H2AZ2: variants seen among roughly 807,000 people sequenced by gnomAD.
H2AZ2 encodes the protein H2A.Z variant histone 2.
Under a neutral mutation model 15.5 loss-of-function variants are expected in H2AZ2, and 5 were observed. The ratio of observed to expected loss-of-function variants is 0.32; its 90% CI spans 0.17 to 0.68. H2AZ2 has a LOEUF of 0.68. H2AZ2 is among the 30% of genes least tolerant of loss of function. H2AZ2 has a pLI of 0.72. For synonymous variants in H2AZ2, 44 were observed against 57.4 expected (o/e 0.77, Z 1.05); for missense variants, 42 against 162.5 (o/e 0.26, Z 4.03).
In H2AZ2 at chr7:44,835,523, A is replaced by ACATACCACCC; in HGVS notation, c.321_325+5dup. 6.2e-7 allele frequency: 1 copy of ACATACCACCC among 1,613,346 alleles called. No individual in the cohort carries two copies. Among genetic ancestry groups the ACATACCACCC allele is most frequent in the Non-Finnish European group, 8.5e-7 (1 of 1,179,538 alleles). ...TAAGAATCAAGGCTTAAGTAGTAAT[A>ACATACCACCC]CATACCACCCCCAGCTATGGTAGCC... On this transcript the variant is annotated splice_donor_region_variant and intron_variant, in intron 4 of 4. Coordinates refer to ENST00000308153, the MANE Select transcript of H2AZ2 (RefSeq NM_012412.5).
intron 3 of H2AZ2, 48 bp from the exon 4 acceptor site, chr7:44,835,706 C>A: frequency 6.7e-7 from 1 of 1,500,100 alleles, no homozygotes; most frequent in South Asian, 1.3e-5. Context: ...CCTAGGATCC[C>A]AAATGAAGGA....
chr7:44,836,119 C>T (rs759284118), intron 3 of H2AZ2, among the ~76,000 whole-genome samples: 5 of 151,978 alleles, frequency 3.3e-5, no homozygotes, highest in Non-Finnish European at 4.4e-5. Flanking sequence ...CCACCAAACC[C>T]GGCTTTTTTG....
downstream of H2AZ2, chr7:44,828,350 C>T (rs1266406730): frequency 2.0e-5 from 3 of 152,122 alleles, no homozygotes; most frequent in Non-Finnish European, 4.4e-5. Context: ...TCTCACTGAA[C>T]CTCTGGTAAT....
At chr7:44,830,163 T>C, downstream of H2AZ2, 1 of 1,613,564 alleles carries the variant, frequency 6.2e-7, no homozygotes, top group Non-Finnish European at 8.5e-7. Context: ...CCTTCTCTTC[T>C]CTAACAAGAA....
chr7:44,847,953 AC>A lies in H2AZ2; in HGVS notation c.3+15del. On this transcript the variant is annotated intron_variant, in intron 1 of 4. Coordinates refer to ENST00000308153, the MANE Select transcript of H2AZ2 (RefSeq NM_012412.5). ...CTCCCAGGCCCCGTGCCCCCGGCCC[AC>A]CCGGCCGCCCTTACCATGTTCTCGG... 1.3e-6 allele frequency: 2 copies of A among 1,493,684 alleles called. No individual in the cohort carries two copies. The highest frequency in any genetic ancestry group is 1.8e-6 in the Non-Finnish European group (2 of 1,128,732). The allele number at this position is 1,493,684 out of a possible 1,614,324, so 92.5% of individuals were successfully genotyped here.
chr7:44,841,549 A>C (rs762878806), intron 2 of H2AZ2, among the ~76,000 whole-genome samples: 37 of 152,192 alleles, frequency 2.4e-4, no homozygotes, highest in African/African-American at 6.7e-4. Flanking sequence ...TCACTCTGTC[A>C]CCCAGGCTGG....
chr7:44,847,837 G>A lies in H2AZ2; in HGVS notation c.3+132C>T, dbSNP rs916303083. ...TGGGACATGGCGCCCCCCGGCGGGC[G>A]GCGAGGGGCTCGGCCGGACGAAGCC... On this transcript the variant is annotated intron_variant, in intron 1 of 4. Transcript: ENST00000308153. 12 of 1,263,518 alleles carry A rather than the reference G, an allele frequency of 9.5e-6. No individual in the cohort carries two copies. The African/African-American group carries it at 1.7e-4, about 18-fold the overall frequency. The allele number at this position is 1,263,518 out of a possible 1,614,324, so 78.3% of individuals were successfully genotyped here.
chr7:44,845,877 C>T (rs1307222604), intron 1 of H2AZ2, among the ~76,000 whole-genome samples: 1 of 152,018 alleles, frequency 6.6e-6, no homozygotes, highest in Non-Finnish European at 1.5e-5. Context: ...ACTTTCTTTC[C>T]GATATCCCCT....
rs1793030830 is a variant in H2AZ2 at position 44,833,095 on chromosome 7, T to C, written c.*1406A>G. Among the ~76,000 whole-genome samples, 1 of 152,156 alleles carries C rather than the reference T, an allele frequency of 6.6e-6. No homozygotes were observed. The highest frequency in any genetic ancestry group is 1.5e-5 in the Non-Finnish European group (1 of 68,026). ...CAGAGTCACACTCTGTCACCTAGGC[T>C]GGAGTGTAGTGGCGTGATCTTGGCT... is the stretch of plus-strand genomic sequence containing the variant. On this transcript the variant is annotated 3_prime_UTR_variant, in exon 5 of 5. Transcript: ENST00000308153.
Position 44,834,178 on chromosome 7 carries a change from CTG to C in H2AZ2, c.*321_*322del, listed in dbSNP as rs1793061583. 5 of 1,035,440 alleles carry C rather than the reference CTG, an allele frequency of 4.8e-6. No individual in the cohort carries two copies. The highest frequency in any genetic ancestry group is 5.9e-6 in the Non-Finnish European group (5 of 852,424). 64.1% of individuals were successfully genotyped at this position (1,035,440 alleles called of 1,614,324 possible). ...ATCTGAGATTTAAAATATTTAAAGT[CTG>C]AGTAAAATATTTCTAATACATCATG... On this transcript the variant is annotated 3_prime_UTR_variant, in exon 5 of 5. Transcript: ENST00000308153.
Position 44,833,280 on chromosome 7 carries a change from T to C in H2AZ2, c.*1221A>G, listed in dbSNP as rs1157157393. On this transcript the variant is annotated 3_prime_UTR_variant, in exon 5 of 5. Transcript: ENST00000308153. ...AGGGAGTCTTGCTCAGTCGCCAAGC[T>C]GGAGTGCAGTGGCGCCATCTTGGCT... 2.6e-5 allele frequency among the ~76,000 whole-genome samples: 4 copies of C among 152,160 alleles called. No individual in the cohort carries two copies. The highest frequency in any genetic ancestry group is 1.3e-4 in the Admixed American group (2 of 15,268).
rs1422048870 is a variant in H2AZ2, at chr7:44,832,747, A to C, written c.*1754T>G. Among the ~76,000 whole-genome samples, 2 of 152,154 alleles carry C rather than the reference A, an allele frequency of 1.3e-5. No homozygotes were observed. Among genetic ancestry groups the C allele is most frequent in the Non-Finnish European group, 2.9e-5 (2 of 68,022 alleles). On this transcript the variant is annotated 3_prime_UTR_variant, in exon 5 of 5. Transcript: ENST00000308153. ...GAGGATGGCTTGAGCCAGGAGTTCA[A>C]TACCAACCTGGGCAACATAGGGAGA...
intron 3 of H2AZ2, among the ~76,000 whole-genome samples, chr7:44,836,143 T>G (rs1354049947): frequency 6.6e-6 from 1 of 151,878 alleles, no homozygotes; most frequent in Non-Finnish European, 1.5e-5. Context: ...TTTTGTTTTT[T>G]GTAGACACAA....
downstream of H2AZ2, chr7:44,830,062 G>A: frequency 1.4e-6 from 2 of 1,396,480 alleles, no homozygotes; most frequent in Non-Finnish European, 1.0e-6. Context: ...CCTTGGTTCA[G>A]CTCAGCACAC....
chr7:44,830,103 G>T (rs1284765323), downstream of H2AZ2: 2 of 1,608,452 alleles, frequency 1.2e-6, no homozygotes, highest in South Asian at 2.2e-5. Context: ...CACTAAATCA[G>T]CAAAACCTTG....
downstream of H2AZ2, chr7:44,830,049 G>C (rs1432112998): frequency 2.5e-6 from 3 of 1,203,558 alleles, no homozygotes; most frequent in Non-Finnish European, 3.6e-6. Flanking sequence ...CATTCGGGCA[G>C]TTCCTTGGTT....
At chr7:44,828,670 A>C (rs1429394010), downstream of H2AZ2, 1 of 152,178 alleles carries the variant, frequency 6.6e-6, no homozygotes, top group East Asian at 1.9e-4. Flanking sequence ...ACAAGCCATA[A>C]ATCTCTACCC....
rs556646126 is a variant in H2AZ2, at chr7:44,833,501, C to T, written c.*1000G>A. 1.4e-4 allele frequency: 22 copies of T among 161,058 alleles called. No homozygotes were observed. In the South Asian group the frequency reaches 4.2e-3, roughly 31 times the overall value. The allele number at this position is 161,058 out of a possible 1,614,324, so 10.0% of individuals were successfully genotyped here. A position where few individuals can be genotyped will look rare whatever the true frequency, so the allele number is the denominator to read the frequency against. On this transcript the variant is annotated 3_prime_UTR_variant, in exon 5 of 5. Transcript: ENST00000308153. ...TCACCCACCTTGGCCTCCCAAAGTG[C>T]TGGGATTACAGGCGTGAGCCACCGC...
At chr7:44,835,219 C>T (rs1022994126) in intron 4 of H2AZ2, 9 of 368,204 alleles carry the variant, frequency 2.4e-5, no homozygotes, top group African/African-American at 4.2e-5. Context: ...GTATGTTATG[C>T]AACTTCTCCA....
Sources: allele counts gnomAD v4.1 joint callset (sites outside exome capture counted in the v4.1 genomes callset), GRCh38; gene constraint gnomAD v4.1.1; transcripts MANE v1.5; gene names NCBI Gene and HGNC (gene_info 2026-07-23, HGNC 2026-07-21).